VTI1A: variants seen among roughly 807,000 people sequenced by gnomAD.
VTI1A encodes vesicle transport through interaction with t-SNAREs homolog 1A.
VTI1A carries 22 observed loss-of-function variants against 34.9 expected under a neutral mutation model. That is an observed-to-expected ratio of 0.63 (90% CI 0.45 to 0.90). The LOEUF (loss-of-function observed/expected upper bound fraction) is 0.90. VTI1A is among the 40% of genes least tolerant of loss of function. The pLI, the probability that VTI1A is intolerant of heterozygous loss-of-function variation, is 0.00. For missense variants in VTI1A, 268 were observed against 275.6 expected, an observed-to-expected ratio of 0.97 and a Z score of 0.20; for synonymous variants, 87 against 97.3, an observed-to-expected ratio of 0.89 and a Z score of 0.62.
intron 7 of VTI1A, among the ~76,000 whole-genome samples, chr10:112,762,625 G>T (rs1851506324): frequency 6.6e-6 from 1 of 152,164 alleles, no homozygotes; most frequent in Non-Finnish European, 1.5e-5. Flanking sequence ...CATTTAAAAA[G>T]GACTACAGGT....
chr10:112,649,185 G>A (rs1303585238), intron 5 of VTI1A, among the ~76,000 whole-genome samples: 7 of 152,036 alleles, frequency 4.6e-5, no homozygotes, highest in East Asian at 3.9e-4. Context: ...GGAAGGACCC[G>A]GCAAGAGACC....
At chr10:112,523,932 T>C (rs1386972526) in intron 3 of VTI1A, among the ~76,000 whole-genome samples, 1 of 152,130 alleles carries the variant, frequency 6.6e-6, no homozygotes, top group Non-Finnish European at 1.5e-5. Flanking sequence ...GAAAAAATAT[T>C]TTAGTGAAGT....
At chr10:112,642,803 T>C (rs970820777) in intron 5 of VTI1A, among the ~76,000 whole-genome samples, 1 of 151,974 alleles carries the variant, frequency 6.6e-6, no homozygotes, top group African/African-American at 2.4e-5. Flanking sequence ...ACACCAAGCC[T>C]TGGGGTCTGT....
At chr10:112,828,344 G>T in the VTI1A span, among the ~76,000 whole-genome samples, 3 of 152,008 alleles carry the variant, frequency 2.0e-5, no homozygotes, top group Non-Finnish European at 2.9e-5. Context: ...CACCTTAATG[G>T]TAGAAAGATA....
At chr10:112,661,758 T>C (rs1335213828) in intron 5 of VTI1A, among the ~76,000 whole-genome samples, 1 of 147,850 alleles carries the variant, frequency 6.8e-6, no homozygotes, top group African/African-American at 2.5e-5. Context: ...TTTTTTCTGC[T>C]GTTAAGTTTT....
chr10:112,465,535 G>A (rs966081647), intron 3 of VTI1A, among the ~76,000 whole-genome samples: 3 of 152,166 alleles, frequency 2.0e-5, no homozygotes, highest in East Asian at 3.8e-4. Flanking sequence ...CCTTAAAAAA[G>A]AAAGGAAATT....
intron 7 of VTI1A, among the ~76,000 whole-genome samples, chr10:112,748,716 C>T (rs1266318575): frequency 6.6e-6 from 1 of 150,526 alleles, no homozygotes; most frequent in East Asian, 1.9e-4. Context: ...AGCTCCGCCT[C>T]CCGGGTTCAC....
chr10:112,679,146 G>A (rs912269062), intron 7 of VTI1A, among the ~76,000 whole-genome samples: 3 of 152,064 alleles, frequency 2.0e-5, no homozygotes, highest in Non-Finnish European at 4.4e-5. Context: ...AGCATTTAAG[G>A]ACAGACTCCT....
At chr10:112,732,583 A>G (rs1027723255) in intron 7 of VTI1A, among the ~76,000 whole-genome samples, 23 of 152,200 alleles carry the variant, frequency 1.5e-4, no homozygotes, top group African/African-American at 5.3e-4. Flanking sequence ...GAGGTCATCC[A>G]GCTCTGTCTT....
intron 5 of VTI1A, among the ~76,000 whole-genome samples, chr10:112,661,099 G>C (rs1847429097): frequency 6.6e-6 from 1 of 152,046 alleles, no homozygotes; most frequent in African/African-American, 2.4e-5. Context: ...TCCCACCTCA[G>C]CCTCCCAAGT....
chr10:112,737,995 A>G, intron 7 of VTI1A: 1 of 603,436 alleles, frequency 1.7e-6, no homozygotes, highest in Non-Finnish European at 2.1e-6. Context: ...TCCAGAGATC[A>G]AGATGAGTGT....
intron 5 of VTI1A, among the ~76,000 whole-genome samples, chr10:112,553,228 A>G (rs1851427916): frequency 6.6e-6 from 1 of 152,194 alleles, no homozygotes; most frequent in South Asian, 2.1e-4. Flanking sequence ...GTGAAGCAAA[A>G]TGGAATGTGC....
At chr10:112,489,527 A>G (rs754459015) in intron 3 of VTI1A, among the ~76,000 whole-genome samples, 5 of 152,190 alleles carry the variant, frequency 3.3e-5, no homozygotes, top group Non-Finnish European at 7.3e-5. Flanking sequence ...CAAACAATAA[A>G]TTCTTTGATT....
At chr10:112,449,819 C>G (rs911394477) in intron 1 of VTI1A, 6 of 152,182 alleles carry the variant, frequency 3.9e-5, no homozygotes, top group African/African-American at 1.4e-4. Context: ...GGCCCAAACA[C>G]AGGAGCTTCA....
intron 3 of VTI1A, among the ~76,000 whole-genome samples, chr10:112,504,162 A>G (rs1407148948): frequency 1.3e-5 from 2 of 152,222 alleles, no homozygotes; most frequent in Non-Finnish European, 2.9e-5. Flanking sequence ...TGGTTCTGCC[A>G]GTATGATGAA....
chr10:112,703,883 A>C (rs1444737214), intron 7 of VTI1A, among the ~76,000 whole-genome samples: 3 of 152,228 alleles, frequency 2.0e-5, no homozygotes, highest in Non-Finnish European at 2.9e-5. Flanking sequence ...AAAGTTATTC[A>C]AGATGTTCTG....
chr10:112,734,319 G>A (rs971745229), intron 7 of VTI1A, among the ~76,000 whole-genome samples: 11 of 152,048 alleles, frequency 7.2e-5, no homozygotes, highest in East Asian at 3.9e-4. Context: ...TCTCTGGCCC[G>A]TGGTGCACAC....
At chr10:112,685,005 C>G (rs1355189701) in intron 7 of VTI1A, among the ~76,000 whole-genome samples, 1 of 152,110 alleles carries the variant, frequency 6.6e-6, no homozygotes, top group African/African-American at 2.4e-5. Flanking sequence ...TTTCGTGTTT[C>G]AGAATAGCAG....
At chr10:112,653,922 A>G (rs1044102605) in intron 5 of VTI1A, among the ~76,000 whole-genome samples, 1 of 152,218 alleles carries the variant, frequency 6.6e-6, no homozygotes, top group Non-Finnish European at 1.5e-5. Flanking sequence ...GTTCCCTAGT[A>G]AAGTCTATTC....
Sources: gnomAD v4.1 joint callset for allele counts (sites outside exome capture counted in the v4.1 genomes callset) on GRCh38, gnomAD v4.1.1 for gene constraint, MANE v1.5 for transcripts, NCBI Gene and HGNC (gene_info 2026-07-23, HGNC 2026-07-21) for gene names.